Variants in SLC44A5 observed in about 807,000 individuals in gnomAD.
The protein encoded by SLC44A5 is choline transporter-like protein 5.
In SLC44A5, 57 loss-of-function variants were observed where a neutral mutation model predicts 101.8. That is an observed-to-expected ratio of 0.56 (90% confidence interval 0.45 to 0.70). The LOEUF (loss-of-function observed/expected upper bound fraction) is 0.70. SLC44A5 is among the 30% of genes least tolerant of loss of function. SLC44A5 has a pLI of 0.00. For missense variants in SLC44A5, 737 were observed against 853.1 expected, an observed-to-expected ratio of 0.86 and a Z score of 1.70; for synonymous variants, 281 against 290.9, an observed-to-expected ratio of 0.97 and a Z score of 0.35.
chr1:75,693,060 A>G, the SLC44A5 span, among the ~76,000 whole-genome samples: 3 of 152,238 alleles, frequency 2.0e-5, 1 homozygote. Flanking sequence ...GAAGGGGTAA[A>G]TAGAGTAAAG....
At chr1:75,535,950 T>G (rs7541214) in intron 2 of SLC44A5, among the ~76,000 whole-genome samples, 8 of 151,460 alleles carry the variant, frequency 5.3e-5, no homozygotes, top group Non-Finnish European at 1.0e-4. Flanking sequence ...GGTCCATGCC[T>G]GTAATCTCAA....
At chr1:75,477,578 C>T (rs1481216651) in intron 2 of SLC44A5, among the ~76,000 whole-genome samples, 1 of 152,092 alleles carries the variant, frequency 6.6e-6, no homozygotes, top group Admixed American at 6.6e-5. Flanking sequence ...GAGCTGAAAA[C>T]CAAGGCTCGA....
chr1:75,478,886 C>G (rs1365564762), intron 2 of SLC44A5, among the ~76,000 whole-genome samples: 1 of 152,204 alleles, frequency 6.6e-6, no homozygotes, highest in Non-Finnish European at 1.5e-5. Flanking sequence ...GAACTCAGCT[C>G]TGCACCAAGA....
chr1:75,664,642 C>T, the SLC44A5 span, among the ~76,000 whole-genome samples: 11,714 of 152,068 alleles, frequency 0.077, 1,512 homozygotes, highest in African/African-American at 0.27. Flanking sequence ...CTACAAAACA[C>T]GATTAGAAGA....
At chr1:75,675,696 T>A in the SLC44A5 span, among the ~76,000 whole-genome samples, 1 of 152,060 alleles carries the variant, frequency 6.6e-6, no homozygotes, top group African/African-American at 2.4e-5. Context: ...AAGCAAAAAT[T>A]GACAAATGGG....
Position 75,329,549 on chromosome 1 carries a change from T to TC in SLC44A5, c.101+10032_101+10033insG, listed in dbSNP as rs1656865284. On this transcript the variant is annotated intron_variant, in intron 4 of 23. Transcript: ENST00000370859. ...CATTCATTTTTAAATGTATTAACAT[T>TC]AGTGGTTGAAATTTTAAGTTTATTG... 2.6e-5 allele frequency among the ~76,000 whole-genome samples: 4 copies of TC among 152,288 alleles called. No individual in the cohort carries two copies. The South Asian group carries it at 8.3e-4, about 32-fold the overall frequency.
At chr1:75,560,259 T>C (rs1427478691) in intron 1 of SLC44A5, among the ~76,000 whole-genome samples, 4 of 152,176 alleles carry the variant, frequency 2.6e-5, no homozygotes, top group African/African-American at 4.8e-5. Flanking sequence ...TAACAATAGA[T>C]GTACTGTGGA....
chr1:75,258,625 TGGCAGCTC>T (rs1163823217), intron 6 of SLC44A5, among the ~76,000 whole-genome samples: 1 of 152,174 alleles, frequency 6.6e-6, no homozygotes, highest in Non-Finnish European at 1.5e-5. Flanking sequence ...AAGTCCCTGC[TGGCAGCTC>T]TGAAGAGAGC....
chr1:75,700,041 C>G, the SLC44A5 span, among the ~76,000 whole-genome samples: 1 of 152,018 alleles, frequency 6.6e-6, no homozygotes, highest in Non-Finnish European at 1.5e-5. Context: ...ACTTAGACTC[C>G]CACACATTAA....
chr1:75,454,727 C>G (rs1666093531), intron 2 of SLC44A5, among the ~76,000 whole-genome samples: 1 of 151,666 alleles, frequency 6.6e-6, no homozygotes. Flanking sequence ...AAAATCAGTA[C>G]CATTTCTATA....
chr1:75,402,288 G>A (rs949309063), intron 2 of SLC44A5: 5 of 203,706 alleles, frequency 2.5e-5, no homozygotes, highest in Admixed American at 1.9e-4. Context: ...TTGGGGTAAA[G>A]AAGGATCCTG....
chr1:75,679,658 A>C, the SLC44A5 span, among the ~76,000 whole-genome samples: 2,363 of 152,236 alleles, frequency 0.016, 61 homozygotes, highest in African/African-American at 0.053. Flanking sequence ...CTGCAAAATC[A>C]TGCCAAAATG....
intron 1 of SLC44A5, among the ~76,000 whole-genome samples, chr1:75,568,526 C>T (rs940036432): frequency 6.6e-6 from 1 of 152,150 alleles, no homozygotes; most frequent in East Asian, 1.9e-4. Flanking sequence ...CTATTATCCT[C>T]CCCACTTTGA....
chr1:75,404,958 C>G (rs576649030), intron 2 of SLC44A5, among the ~76,000 whole-genome samples: 2 of 152,156 alleles, frequency 1.3e-5, no homozygotes, highest in African/African-American at 2.4e-5. Context: ...ACCCATCTCA[C>G]GTGCAAAGGC....
At chr1:75,709,484 G>C in the SLC44A5 span, among the ~76,000 whole-genome samples, 1 of 152,280 alleles carries the variant, frequency 6.6e-6, no homozygotes, top group East Asian at 1.9e-4. Context: ...ACTATCTGAA[G>C]CTCAAGTCTT....
intron 4 of SLC44A5, among the ~76,000 whole-genome samples, chr1:75,333,795 C>G (rs1486239667): frequency 6.6e-6 from 1 of 152,096 alleles, no homozygotes; most frequent in Non-Finnish European, 1.5e-5. Context: ...AGAAAAAATT[C>G]AAAGCAGAGG....
intron 4 of SLC44A5, among the ~76,000 whole-genome samples, chr1:75,305,343 G>A (rs1197293263): frequency 1.3e-5 from 2 of 152,106 alleles, no homozygotes; most frequent in Non-Finnish European, 2.9e-5. Flanking sequence ...TATTGCCGTG[G>A]TCTCTTAATT....
At chr1:75,480,685 C>A (rs1274356396) in intron 2 of SLC44A5, among the ~76,000 whole-genome samples, 4 of 151,928 alleles carry the variant, frequency 2.6e-5, no homozygotes, top group African/African-American at 9.7e-5. Flanking sequence ...ACCTAGGAAT[C>A]CACCTTACAA....
the SLC44A5 span, among the ~76,000 whole-genome samples, chr1:75,694,011 C>A: frequency 6.6e-6 from 1 of 151,022 alleles, no homozygotes; most frequent in African/African-American, 2.4e-5. Context: ...CTGTGAAGAG[C>A]AATGAAATGG....
Sources: gnomAD v4.1 joint callset for allele counts (sites outside exome capture counted in the v4.1 genomes callset) on GRCh38, gnomAD v4.1.1 for gene constraint, MANE v1.5 for transcripts, NCBI Gene and HGNC (gene_info 2026-07-23, HGNC 2026-07-21) for gene names.